RBM18: variants seen among roughly 807,000 people sequenced by gnomAD.
The protein encoded by RBM18 is RNA binding motif protein 18, also known as probable RNA-binding protein 18.
In RBM18, 18 loss-of-function variants were observed where a neutral mutation model predicts 26.4. The observed-to-expected ratio is 0.68, with a 90% CI of 0.47 to 1.01. The LOEUF (loss-of-function observed/expected upper bound fraction) is 1.01. Among genes scored for constraint, RBM18 ranks in the 50% least tolerant of loss-of-function variants. The pLI, the probability that RBM18 is intolerant of heterozygous loss-of-function variation, is 0.00. For synonymous variants in RBM18, 74 were observed against 81.1 expected, an observed-to-expected ratio of 0.91 and a Z score of 0.47; for missense variants, 180 against 219.2, an observed-to-expected ratio of 0.82 and a Z score of 1.13.
chr9:122,251,233 T>C (rs1158929531), intron 3 of RBM18, among the ~76,000 whole-genome samples: 1 of 152,182 alleles, frequency 6.6e-6, no homozygotes, highest in Non-Finnish European at 1.5e-5. Flanking sequence ...GCAATGTTCT[T>C]ACATATGATG....
At position 122,241,725 on chromosome 9, in the gene RBM18, A is replaced by G; in HGVS notation, c.*159T>C. On this transcript the variant is annotated 3_prime_UTR_variant, in exon 6 of 6. Transcript: ENST00000417201. ...CTCAATTCCATACATAGTTTAGGGA[A>G]GAAACATCCATAAGAACATCCAAAA... 3.3e-6 allele frequency: 2 copies of G among 607,380 alleles called. No homozygotes were observed. Among genetic ancestry groups the G allele is most frequent in the South Asian group, 4.7e-5 (2 of 42,152 alleles). The allele number at this position is 607,380 out of a possible 1,614,324, so 37.6% of individuals were successfully genotyped here.
At chr9:122,261,354 A>G (rs1028125600) in intron 2 of RBM18, 26 bp downstream of exon 2, 8 of 1,523,954 alleles carry the variant, frequency 5.2e-6, no homozygotes, top group Non-Finnish European at 6.4e-6. Context: ...TATTGTAGGT[A>G]AAAAACTAAG....
chr9:122,247,628 T>C (rs760873374), intron 3 of RBM18, 24 bp from the exon 4 acceptor site: 2 of 1,597,532 alleles, frequency 1.3e-6, no homozygotes, highest in Admixed American at 3.3e-5. Context: ...GGACAAATGT[T>C]AGTTAAAAAC....
intron 4 of RBM18, 80 bp downstream of exon 4, chr9:122,247,438 T>C (rs959233611): frequency 8.4e-7 from 1 of 1,195,502 alleles, no homozygotes; most frequent in African/African-American, 1.5e-5. Flanking sequence ...GATTGGGACA[T>C]AAACGGGTAA....
chr9:122,249,780 A>G (rs1055955530), intron 3 of RBM18, among the ~76,000 whole-genome samples: 2 of 151,432 alleles, frequency 1.3e-5, no homozygotes, highest in Non-Finnish European at 1.5e-5. Flanking sequence ...TAAAATATTT[A>G]AAAATGCTGA....
intron 4 of RBM18, among the ~76,000 whole-genome samples, chr9:122,245,864 T>C (rs1330079548): frequency 6.6e-6 from 1 of 151,346 alleles, no homozygotes; most frequent in African/African-American, 2.4e-5. Flanking sequence ...TGCTGGCACA[T>C]GCCTGTAGTC....
intron 2 of RBM18, among the ~76,000 whole-genome samples, chr9:122,255,862 G>T (rs1588385837): frequency 1.3e-5 from 2 of 152,214 alleles, no homozygotes; most frequent in East Asian, 3.9e-4. Context: ...AGCTGAGTGT[G>T]GTGGCACATG....
At chr9:122,248,842 G>A (rs1330935525) in intron 3 of RBM18, among the ~76,000 whole-genome samples, 1 of 152,168 alleles carries the variant, frequency 6.6e-6, no homozygotes, top group African/African-American at 2.4e-5. Flanking sequence ...GAAGCCAGTT[G>A]GCATTCCAGT....
In RBM18 at chr9:122,241,792, G is replaced by A; in HGVS notation, c.*92C>T. On this transcript the variant is annotated 3_prime_UTR_variant, in exon 6 of 6. Coordinates refer to ENST00000417201, the MANE Select transcript of RBM18 (RefSeq NM_033117.4). ...TGCTAACATGTGATTGTGCTCCGTT[G>A]AATAGTACCATTCACATCTACAAAG... 1 of 1,072,832 alleles carries A rather than the reference G, an allele frequency of 9.3e-7. No individual in the cohort carries two copies. Among genetic ancestry groups the A allele is most frequent in the East Asian group, 2.4e-5 (1 of 41,934 alleles). 66.5% of individuals were successfully genotyped at this position (1,072,832 alleles called of 1,614,324 possible).
At chr9:122,243,735 A>C in intron 5 of RBM18, 3 of 985,378 alleles carry the variant, frequency 3.0e-6, no homozygotes, top group Non-Finnish European at 3.6e-6. Flanking sequence ...AAGAACACTG[A>C]TATATTACCG....
At chr9:122,245,560 CCTT>C (rs1454497336) in intron 4 of RBM18, among the ~76,000 whole-genome samples, 2 of 152,160 alleles carry the variant, frequency 1.3e-5, no homozygotes, top group South Asian at 2.1e-4. Flanking sequence ...ATCAGTTCCT[CCTT>C]ATTTGGTAGG....
Position 122,245,596 on chromosome 9 carries a change from T to A in RBM18, c.328-255A>T, listed in dbSNP as rs374367673. ...AGGAAAAAAATGTCAACTTTCAATA[T>A]CTCAGATGGTACAAACACACAGGAG... On this transcript the variant is annotated intron_variant, in intron 4 of 5. Transcript: ENST00000417201. Among the ~76,000 whole-genome samples the A allele has an allele frequency of 2.3e-4, 35 of 152,274 alleles. No individual in the cohort carries two copies. In the East Asian group the frequency reaches 6.4e-3, roughly 28 times the overall value.
chr9:122,241,885 C>A lies in RBM18; in HGVS notation c.572G>T (p.Ter191LeuextTer3). The change falls in exon 6 of 6, where the codon TGA becomes TTA. Residue 191 changes from the stop codon to leucine (L), a stop_lost. Coordinates refer to ENST00000417201, the MANE Select transcript of RBM18 (RefSeq NM_033117.4). Reference sequence around the variant, plus strand: ...TGCTGCTACAGTAATTCACAACCATCATCTTCGAGATTTCCATGCTGTTCT... The same window carrying A: ...TGCTGCTACAGTAATTCACAACCATAATCTTCGAGATTTCCATGCTGTTCT... ...YSRTAWKSRR[*>L] is the part of the protein sequence containing the mutation. 6.2e-7 allele frequency: 1 copy of A among 1,611,000 alleles called. No individual in the cohort carries two copies. Among genetic ancestry groups the A allele is most frequent in the Non-Finnish European group, 8.5e-7 (1 of 1,179,164 alleles).
Position 122,245,260 on chromosome 9 carries a change from G to T in RBM18, c.409C>A (p.Leu137Ile). The T allele has an allele frequency of 6.3e-7, 1 of 1,582,398 alleles. No homozygotes were observed. Among genetic ancestry groups the T allele is most frequent in the Non-Finnish European group, 8.7e-7 (1 of 1,151,420 alleles). The change falls in exon 5 of 6, where the codon CTA becomes ATA. Residue 137 changes from leucine to isoleucine, a missense_variant. Around this residue, in one of 3 missense-constraint regions of RBM18, gnomAD observed 103 missense variants for 102.8 expected, o/e 1.00. Transcript: ENST00000417201. ...SSSTEPTQSN[L>I]SVTAKIKAIE... Reference sequence around the variant, plus strand: ...TTCTATAGTACATCATCTTACCTTAGGTTAGACTGAGTAGGCTCAGTGCTT... The same window carrying T: ...TTCTATAGTACATCATCTTACCTTATGTTAGACTGAGTAGGCTCAGTGCTT...
In RBM18 at chr9:122,238,061, T is replaced by C. The variant is rs916871515; in HGVS notation, c.*3823A>G. ...ACTAGATGTTTGCAGGCCTGGGTTC[T>C]ACCTAAAGCTCTCCCATTAACCAGG... is the stretch of plus-strand genomic sequence containing the variant. On this transcript the variant is annotated 3_prime_UTR_variant, in exon 6 of 6. Coordinates refer to ENST00000417201, the MANE Select transcript of RBM18 (RefSeq NM_033117.4). 6.6e-6 allele frequency: 1 copy of C among 152,228 alleles called. No individual in the cohort carries two copies. The highest frequency in any genetic ancestry group is 1.5e-5 in the Non-Finnish European group (1 of 68,046). The allele number at this position is 152,228 out of a possible 1,614,324, so 9.4% of individuals were successfully genotyped here.
intron 2 of RBM18, among the ~76,000 whole-genome samples, chr9:122,254,037 A>C (rs916907950): frequency 2.0e-5 from 3 of 150,488 alleles, no homozygotes; most frequent in Non-Finnish European, 4.4e-5. Flanking sequence ...CAAAAAAAAA[A>C]AAGAAAAAAA....
chr9:122,249,800 G>A (rs950317019), intron 3 of RBM18, among the ~76,000 whole-genome samples: 18 of 151,552 alleles, frequency 1.2e-4, no homozygotes, highest in African/African-American at 4.1e-4. Flanking sequence ...ACCAGGTGTG[G>A]TGGCTCACAC....
chr9:122,258,908 C>CAAAAAA (rs11453707), intron 2 of RBM18, among the ~76,000 whole-genome samples: 3 of 109,376 alleles, frequency 2.7e-5, no homozygotes, highest in African/African-American at 7.6e-5. Flanking sequence ...ACAGAGCTGT[C>CAAAAAA]AAAAAAAAAA....
intron 2 of RBM18, among the ~76,000 whole-genome samples, chr9:122,252,752 A>G (rs1831624785): frequency 6.6e-6 from 1 of 152,256 alleles, no homozygotes; most frequent in Admixed American, 6.5e-5. Flanking sequence ...AGTAAAGAAT[A>G]CAGATGGTCA....
Sources: allele counts gnomAD v4.1 joint callset (sites outside exome capture counted in the v4.1 genomes callset), GRCh38; gene constraint gnomAD v4.1.1; regional missense constraint gnomAD v4.1.1; transcripts MANE v1.5; gene names NCBI Gene and HGNC (gene_info 2026-07-23, HGNC 2026-07-21).